The following SLC25A23 variants were observed in gnomAD, a reference collection of about 807,000 sequenced individuals.
The protein encoded by SLC25A23 is solute carrier family 25 member 23.
SLC25A23 carries 32 observed loss-of-function variants against 53.9 expected under a neutral mutation model. The observed-to-expected ratio is 0.59, with a 90% CI of 0.45 to 0.80. The LOEUF (loss-of-function observed/expected upper bound fraction) is 0.80, where lower values mean the gene tolerates loss of function less well. Among genes scored for constraint, SLC25A23 ranks in the 30% least tolerant of loss-of-function variants. SLC25A23 has a pLI of 0.00. For synonymous variants in SLC25A23, 275 were observed against 264.5 expected (o/e 1.04, Z -0.38); for missense variants, 575 against 651.4 (o/e 0.88, Z 1.28).
At chr19:6,442,213 C>T in intron 9 of SLC25A23, 54 bp from the exon 10 acceptor site, 6 of 1,286,608 alleles carry the variant, frequency 4.7e-6, no homozygotes. Context: ...CTTTCACTTC[C>T]CCCTCCTACC....
intron 7 of SLC25A23, 181 bp from the exon 8 acceptor site, chr19:6,452,660 C>T: frequency 6.2e-6 from 4 of 646,004 alleles, no homozygotes; most frequent in Non-Finnish European, 9.9e-6. Flanking sequence ...AATAGTTACA[C>T]CTACCAAAGT....
At chr19:6,448,577 T>C (rs2092540931) in intron 8 of SLC25A23, among the ~76,000 whole-genome samples, 1 of 151,852 alleles carries the variant, frequency 6.6e-6, no homozygotes, top group African/African-American at 2.4e-5. Flanking sequence ...TTCAAGCGAT[T>C]CTCCTGTCTC....
chr19:6,452,486 A>G lies in SLC25A23; in HGVS notation c.904-7T>C, dbSNP rs1350325576. On this transcript the variant is annotated splice_region_variant and splice_polypyrimidine_tract_variant and intron_variant, in intron 7 of 9. Coordinates refer to ENST00000301454, the MANE Select transcript of SLC25A23 (RefSeq NM_024103.3). ...TCAGCCGCGTCTTCAGCACCTGGGG[A>G]GAACCTGGTTATCCCTGGAAAAGCT... The G allele has an allele frequency of 1.9e-6, 3 of 1,595,020 alleles. No homozygotes were observed. The Admixed American group carries it at 5.2e-5, about 28-fold the overall frequency.
rs555434256 is a variant in SLC25A23, at chr19:6,456,608, G to T, written c.372-77C>A. The T allele has an allele frequency of 2.6e-6, 3 of 1,142,684 alleles. No homozygotes were observed. In the Admixed American group the frequency reaches 5.5e-5, roughly 21 times the overall value. 70.8% of individuals were successfully genotyped at this position (1,142,684 alleles called of 1,614,324 possible). A position where few individuals can be genotyped will look rare whatever the true frequency, so the allele number is the denominator to read the frequency against. On this transcript the variant is annotated intron_variant, in intron 3 of 9. Coordinates refer to ENST00000301454, the MANE Select transcript of SLC25A23 (RefSeq NM_024103.3). Reference sequence around the variant, plus strand: ...GCTAGGCTGGGGTGAAGTTCTGCTAGGTTTTGCAGTTTGGGAGGTTCAAGT... The same window carrying T: ...GCTAGGCTGGGGTGAAGTTCTGCTATGTTTTGCAGTTTGGGAGGTTCAAGT...
chr19:6,443,629 AC>A, intron 9 of SLC25A23: 3 of 702,700 alleles, frequency 4.3e-6, no homozygotes, highest in South Asian at 3.0e-5. Context: ...GAGGGTGGGG[AC>A]CGTGTCCGTC....
At chr19:6,439,395 T>TCACACACACA (rs1177276755), downstream of SLC25A23, among the ~76,000 whole-genome samples, 133 of 129,556 alleles carry the variant, frequency 1.0e-3, no homozygotes, top group African/African-American at 3.9e-3. Context: ...TCTCTCTCTC[T>TCACACACACA]CTCTCACACA....
intron 9 of SLC25A23, chr19:6,443,550 C>A: frequency 1.4e-6 from 1 of 701,976 alleles, no homozygotes; most frequent in East Asian, 2.7e-5. Flanking sequence ...TTATACAACC[C>A]TAAATCAATA....
chr19:6,456,547 G>T lies in SLC25A23; in HGVS notation c.372-16C>A, dbSNP rs200758261. ...TCGGTCCATGCTGGGGGGAAGAAAGGGGGTGGAGGAGGACAGGTTCAGTGC... is the reference window on the plus strand; with the variant it reads ...TCGGTCCATGCTGGGGGGAAGAAAGTGGGTGGAGGAGGACAGGTTCAGTGC... On this transcript the variant is annotated splice_polypyrimidine_tract_variant and intron_variant, in intron 3 of 9. Transcript: ENST00000301454. 1.2e-6 allele frequency: 2 copies of T among 1,609,688 alleles called. No individual in the cohort carries two copies. Among genetic ancestry groups the T allele is most frequent in the East Asian group, 2.2e-5 (1 of 44,872 alleles).
At chr19:6,455,804 C>T (rs968490209) in intron 4 of SLC25A23, 27 of 278,362 alleles carry the variant, frequency 9.7e-5, no homozygotes, top group South Asian at 5.7e-4. Flanking sequence ...TGCAAGCTCC[C>T]GCCTCCTGGG....
At chr19:6,456,681 C>A in intron 3 of SLC25A23, 150 bp from the exon 4 acceptor site, 1 of 607,992 alleles carries the variant, frequency 1.6e-6, no homozygotes, top group African/African-American at 1.9e-5. Context: ...CCATCATTTT[C>A]TTTTTTCTTT....
Position 6,441,771 on chromosome 19 carries a change from C to T in SLC25A23, c.*204G>A, listed in dbSNP as rs996430489. On this transcript the variant is annotated 3_prime_UTR_variant, in exon 10 of 10. Transcript: ENST00000301454. ...GCTGAAGGGTGGGGATCGCATGACC[C>T]AGTGGTTGGGGCATAGGAGTCTAGG... is the stretch of plus-strand genomic sequence containing the variant. 5 of 588,438 alleles carry T rather than the reference C, an allele frequency of 8.5e-6. No homozygotes were observed. The African/African-American group carries it at 9.5e-5, about 11-fold the overall frequency. The allele number at this position is 588,438 out of a possible 1,614,324, so 36.5% of individuals were successfully genotyped here. A position where few individuals can be genotyped will look rare whatever the true frequency, so the allele number is the denominator to read the frequency against.
intron 9 of SLC25A23, 21 bp from the exon 10 acceptor site, chr19:6,442,180 C>CGGGGGGGGG (rs2092432118): frequency 2.1e-6 from 3 of 1,422,092 alleles, no homozygotes; most frequent in African/African-American, 1.5e-5. Flanking sequence ...GCGGGGGGGG[C>CGGGGGGGGG]ACCAGGTAAG....
At chr19:6,457,152 A>C (rs173230) in intron 3 of SLC25A23, among the ~76,000 whole-genome samples, 11 of 146,944 alleles carry the variant, frequency 7.5e-5, no homozygotes, top group Non-Finnish European at 6.0e-5. Flanking sequence ...TGCAACCTCC[A>C]CCTCTTGGGT....
chr19:6,444,053 C>A lies in SLC25A23; in HGVS notation c.1222+98G>T, dbSNP rs112381451. On this transcript the variant is annotated intron_variant, in intron 9 of 9. Transcript: ENST00000301454. Reference sequence around the variant, plus strand: ...GAAACGGAGGCCCAGAGAAGCCCATCGAAATCCAGGAGGGTCCCAGCCCAG... The same window carrying A: ...GAAACGGAGGCCCAGAGAAGCCCATAGAAATCCAGGAGGGTCCCAGCCCAG... 1.3e-5 allele frequency: 17 copies of A among 1,331,930 alleles called. No individual in the cohort carries two copies. In the African/African-American group the frequency reaches 1.3e-4, roughly 10 times the overall value. 82.5% of individuals were successfully genotyped at this position (1,331,930 alleles called of 1,614,324 possible).
rs773427515 is a variant in SLC25A23 at position 6,454,748 on chromosome 19, C to T, written c.484-31G>A. 1 of 1,610,496 alleles carries T rather than the reference C, an allele frequency of 6.2e-7. No homozygotes were observed. The highest frequency in any genetic ancestry group is 8.5e-7 in the Non-Finnish European group (1 of 1,178,178). On this transcript the variant is annotated intron_variant, in intron 4 of 9. Transcript: ENST00000301454. This position sits in a 1 kb window ranked among gnomAD's most constrained non-coding sequence, Gnocchi z 4.3. ...GATACAGGTGTTGGGGGTGTCATGC[C>T]ATGGTGGGGACAGGGAGATGTGACT...
Position 6,459,033 on chromosome 19 carries a change from C to G in SLC25A23, c.156+440G>C, listed in dbSNP as rs1320781320. ...GACAGTGAGCCAGGCCCGTGAACGG[C>G]CCATGAAAGGGCAGGCCAGGGAATG... On this transcript the variant is annotated intron_variant, in intron 1 of 9. Transcript: ENST00000301454. The surrounding 1 kb of genome is among the most constrained non-coding windows in gnomAD (Gnocchi z 4.6). 1.3e-5 allele frequency among the ~76,000 whole-genome samples: 2 copies of G among 152,210 alleles called. No homozygotes were observed. Among genetic ancestry groups the G allele is most frequent in the African/African-American group, 4.8e-5 (2 of 41,450 alleles).
chr19:6,448,724 C>A (rs1195694983), intron 8 of SLC25A23, among the ~76,000 whole-genome samples: 1 of 151,838 alleles, frequency 6.6e-6, no homozygotes, highest in African/African-American at 2.4e-5. Context: ...CCCCCTCAGC[C>A]TCCCAAAGTG....
chr19:6,458,445 G>A, intron 1 of SLC25A23, 121 bp from the exon 2 acceptor site: 1 of 1,111,062 alleles, frequency 9.0e-7, no homozygotes, highest in Non-Finnish European at 1.2e-6. Flanking sequence ...GGGGATAGAA[G>A]ACGTCACCCC....
At chr19:6,443,618 T>C (rs1454388406) in intron 9 of SLC25A23, 5 of 702,758 alleles carry the variant, frequency 7.1e-6, no homozygotes, top group East Asian at 2.7e-5. Flanking sequence ...GTGAGCTCTA[T>C]GAGGGTGGGG....
Sources: allele counts gnomAD v4.1 joint callset (sites outside exome capture counted in the v4.1 genomes callset), GRCh38; gene constraint gnomAD v4.1.1; non-coding constraint Gnocchi (gnomAD v3.1); transcripts MANE v1.5; gene names NCBI Gene and HGNC (gene_info 2026-07-23, HGNC 2026-07-21).